The following PLEKHA6 variants were observed in gnomAD, a reference collection of about 807,000 sequenced individuals.
PLEKHA6 encodes the protein pleckstrin homology domain containing A6.
A neutral mutation model predicts 116.7 loss-of-function variants in PLEKHA6; 60 were observed. That is an observed-to-expected ratio of 0.51 (90% CI 0.42 to 0.64). The LOEUF is 0.64. PLEKHA6 is among the 30% of genes least tolerant of loss of function. The probability of loss-of-function intolerance (pLI) is 0.00; values close to 1 mark genes in which losing one functional copy is unlikely to be tolerated. For synonymous variants in PLEKHA6, 489 were observed against 556.1 expected, an observed-to-expected ratio of 0.88 and a Z score of 1.70; for missense variants, 1,338 against 1,422.7, an observed-to-expected ratio of 0.94 and a Z score of 0.96.
intron 1 of PLEKHA6, among the ~76,000 whole-genome samples, chr1:204,315,875 G>A (rs1393137756): frequency 6.6e-6 from 1 of 152,194 alleles, no homozygotes; most frequent in Non-Finnish European, 1.5e-5. Flanking sequence ...GCGTTTTAGA[G>A]GGAGTCACAT....
chr1:204,245,873 CACACA>C, intron 13 of PLEKHA6, 147 bp from the exon 14 acceptor site: 1 of 429,822 alleles, frequency 2.3e-6, no homozygotes. Flanking sequence ...CACACACACA[CACACA>C]TGCCCCTCCA....
chr1:204,353,051 A>G (rs901973808), intron 1 of PLEKHA6, among the ~76,000 whole-genome samples: 1 of 152,232 alleles, frequency 6.6e-6, no homozygotes, highest in African/African-American at 2.4e-5. Flanking sequence ...CATAAGGAGC[A>G]TGCAGTAAGT....
chr1:204,305,195 C>T (rs142473523), intron 1 of PLEKHA6, among the ~76,000 whole-genome samples: 20 of 152,280 alleles, frequency 1.3e-4, no homozygotes, highest in African/African-American at 3.6e-4. Context: ...TGGTTCCATA[C>T]CAGGGAGCAG....
At chr1:204,339,007 A>G (rs1333581339) in intron 1 of PLEKHA6, among the ~76,000 whole-genome samples, 1 of 152,004 alleles carries the variant, frequency 6.6e-6, no homozygotes, top group Non-Finnish European at 1.5e-5. Flanking sequence ...AACGGACATG[A>G]CTCTGTGTGA....
intron 1 of PLEKHA6, among the ~76,000 whole-genome samples, chr1:204,329,124 G>A (rs1415526767): frequency 6.6e-6 from 1 of 152,202 alleles, no homozygotes; most frequent in African/African-American, 2.4e-5. Context: ...GGGGATAGTT[G>A]GGAAAGATTT....
chr1:204,271,903 TTTA>T (rs1553262050), intron 3 of PLEKHA6, among the ~76,000 whole-genome samples: 1 of 152,196 alleles, frequency 6.6e-6, no homozygotes, highest in Non-Finnish European at 1.5e-5. Context: ...TTTCTTTTTT[TTTA>T]TTATTATTAT....
At position 204,228,336 on chromosome 1, in the gene PLEKHA6, G is replaced by T; in HGVS notation, c.2886-108C>A. 8.9e-7 allele frequency: 1 copy of T among 1,124,766 alleles called. No homozygotes were observed. Among genetic ancestry groups the T allele is most frequent in the Non-Finnish European group, 1.3e-6 (1 of 780,744 alleles). 69.7% of individuals were successfully genotyped at this position (1,124,766 alleles called of 1,614,324 possible). A position where few individuals can be genotyped will look rare whatever the true frequency, so the allele number is the denominator to read the frequency against. On this transcript the variant is annotated intron_variant, in intron 20 of 22. Transcript: ENST00000272203. The surrounding 1 kb of genome is among the most constrained non-coding windows in gnomAD (Gnocchi z 4.0). Reference sequence around the variant, plus strand: ...CAGGGAGGGCCAGGGCCCCGTGAATGTGCAGTCTCTGGTTCCCAGCAAGGC... The same window carrying T: ...CAGGGAGGGCCAGGGCCCCGTGAATTTGCAGTCTCTGGTTCCCAGCAAGGC...
At chr1:204,333,796 T>C (rs1360252397) in intron 1 of PLEKHA6, among the ~76,000 whole-genome samples, 1 of 152,178 alleles carries the variant, frequency 6.6e-6, no homozygotes, top group African/African-American at 2.4e-5. Flanking sequence ...GAGAGCTCCT[T>C]CTCAGGCTAT....
intron 8 of PLEKHA6, among the ~76,000 whole-genome samples, chr1:204,258,117 G>C (rs1200371237): frequency 6.6e-6 from 1 of 152,118 alleles, no homozygotes; most frequent in Non-Finnish European, 1.5e-5. Flanking sequence ...CATATCCCTA[G>C]GAAGAAACGT....
intron 1 of PLEKHA6, among the ~76,000 whole-genome samples, chr1:204,354,727 A>G (rs978470500): frequency 4.6e-5 from 7 of 152,240 alleles, no homozygotes; most frequent in Admixed American, 2.0e-4. Flanking sequence ...CTCCATGACC[A>G]CAGCAGGAGC....
chr1:204,372,837 G>A (rs1673800690), intron 1 of PLEKHA6, among the ~76,000 whole-genome samples: 1 of 151,172 alleles, frequency 6.6e-6, no homozygotes, highest in Non-Finnish European at 1.5e-5. Flanking sequence ...ATTTTCCAGA[G>A]TTTTATATAA....
rs114649984 is a variant in PLEKHA6, at chr1:204,344,735, A to G, written c.-95+14959T>C. On this transcript the variant is annotated intron_variant, in intron 1 of 22. Coordinates refer to ENST00000272203, the MANE Select transcript of PLEKHA6 (RefSeq NM_014935.5). ...CTCATCCATATTATCAGGGTGCCCC[A>G]GAAGTGAGTGACAAAGCAACATCTC... Among the ~76,000 whole-genome samples, 1,349 of 152,334 alleles carry G rather than the reference A, an allele frequency of 8.9e-3. 17 individuals are homozygous for G. Among genetic ancestry groups the G allele is most frequent in the African/African-American group, 0.03 (1,247 of 41,576 alleles).
chr1:204,287,764 C>G (rs185688782), intron 1 of PLEKHA6, among the ~76,000 whole-genome samples: 1 of 152,116 alleles, frequency 6.6e-6, no homozygotes, highest in Non-Finnish European at 1.5e-5. Context: ...AGCTACCGAG[C>G]GCCTCTCTGG....
At chr1:204,248,688 G>GC in intron 12 of PLEKHA6, 133 bp downstream of exon 12, 1 of 700,776 alleles carries the variant, frequency 1.4e-6, no homozygotes, top group Admixed American at 2.7e-5. Flanking sequence ...CTTTGTTTAT[G>GC]CCCCTCTGCA....
intron 10 of PLEKHA6, among the ~76,000 whole-genome samples, chr1:204,250,163 C>T (rs1412507085): frequency 2.0e-5 from 3 of 152,202 alleles, no homozygotes; most frequent in East Asian, 3.8e-4. Context: ...TTCTAGTTAC[C>T]TGTAGGGACT....
chr1:204,344,589 G>A (rs1396330782), intron 1 of PLEKHA6, among the ~76,000 whole-genome samples: 2 of 116,258 alleles, frequency 1.7e-5, no homozygotes, highest in African/African-American at 7.1e-5. Context: ...GACAGAGTGA[G>A]ACTCCATCTC....
chr1:204,234,438 C>T (rs1029502745), intron 17 of PLEKHA6, among the ~76,000 whole-genome samples: 1 of 152,114 alleles, frequency 6.6e-6, no homozygotes, highest in Non-Finnish European at 1.5e-5. Flanking sequence ...TCCTGGCAGC[C>T]CTAGGAAATT....
At chr1:204,326,489 G>A (rs1200251979) in intron 1 of PLEKHA6, among the ~76,000 whole-genome samples, 2 of 152,150 alleles carry the variant, frequency 1.3e-5, no homozygotes, top group Non-Finnish European at 1.5e-5. Flanking sequence ...TTGCATGGCT[G>A]CCCCAGTCCA....
At position 204,345,058 on chromosome 1, in the gene PLEKHA6, A is replaced by G. The variant is rs541068853; in HGVS notation, c.-95+14636T>C. On this transcript the variant is annotated intron_variant, in intron 1 of 22. Transcript: ENST00000272203. ...TGTTAATTGCTGTGGGGAGATACAC[A>G]TTTATCGGCGAGAAAGACATATGTG... is the stretch of plus-strand genomic sequence containing the variant. Among the ~76,000 whole-genome samples the G allele has an allele frequency of 1.8e-4, 28 of 152,318 alleles. No homozygotes were observed. In the East Asian group the frequency reaches 5.4e-3, roughly 29 times the overall value.
Sources: allele counts gnomAD v4.1 joint callset (sites outside exome capture counted in the v4.1 genomes callset), GRCh38; gene constraint gnomAD v4.1.1; non-coding constraint Gnocchi (gnomAD v3.1); transcripts MANE v1.5; gene names NCBI Gene and HGNC (gene_info 2026-07-23, HGNC 2026-07-21).